Variants in HIGD2A observed in about 807,000 individuals in gnomAD.
HIGD2A encodes the protein HIG1 domain family member 2A, mitochondrial.
Under a neutral mutation model 6.3 loss-of-function variants are expected in HIGD2A, and 4 were observed. The ratio of observed to expected loss-of-function variants is 0.64; its 90% confidence interval spans 0.31 to 1.46. The LOEUF (loss-of-function observed/expected upper bound fraction) is 1.46. HIGD2A is among the 40% of genes most tolerant of loss of function. HIGD2A has a pLI of 0.07. For missense variants in HIGD2A, 143 were observed against 144.8 expected (o/e 0.99, Z 0.06); for synonymous variants, 63 against 59.3 (o/e 1.06, Z -0.29).
chr5:176,389,011 A>T, intron 1 of HIGD2A, 38 bp downstream of exon 1: 1 of 1,610,732 alleles, frequency 6.2e-7, no homozygotes, highest in Non-Finnish European at 8.5e-7. Flanking sequence ...AGGAGAGGAC[A>T]GTGATGTCGG....
Position 176,389,431 on chromosome 5 carries a change from C to A in HIGD2A, c.255C>A (p.Ala85=), listed in dbSNP as rs1756171382. ...SQLMMRTRIA[A]QGFTVAAILL... ...TCATGATGCGCACCCGGATCGCCGC[C>A]CAGGGTTTCACGGTCGCAGCCATCT... Residue 85 remains alanine, a synonymous_variant, in exon 2 of 2, where the codon GCC becomes GCA. Coordinates refer to ENST00000274787, the MANE Select transcript of HIGD2A (RefSeq NM_138820.4). 6.2e-7 allele frequency: 1 copy of A among 1,614,090 alleles called. No homozygotes were observed. The highest frequency in any genetic ancestry group is 1.7e-5 in the Admixed American group (1 of 60,000).
At position 176,388,922 on chromosome 5, in the gene HIGD2A, T is replaced by A; in HGVS notation, c.103T>A (p.Phe35Ile). 1.2e-6 allele frequency: 2 copies of A among 1,613,918 alleles called. No individual in the cohort carries two copies. Among genetic ancestry groups the A allele is most frequent in the Non-Finnish European group, 1.7e-6 (2 of 1,179,992 alleles). Residue 35 changes from phenylalanine (F) to isoleucine (I), a missense_variant, in exon 1 of 2, where the codon TTC becomes ATC. Transcript: ENST00000274787. ...CACTGTTTACAGGAATCCAGAGAGT[T>A]TCAAGGAAAAGTTCGTTCGCAAGAC... ...SPTVYRNPES[F>I]KEKFVRKTRE...
In HIGD2A at chr5:176,389,386, C is replaced by T. The variant is rs562899866; in HGVS notation, c.210C>T (p.Gly70=). The T allele has an allele frequency of 6.2e-7, 1 of 1,614,160 alleles. No individual in the cohort carries two copies. Among genetic ancestry groups the T allele is most frequent in the East Asian group, 2.2e-5 (1 of 44,872 alleles). Residue 70 remains glycine, a synonymous_variant, in exon 2 of 2, where the codon GGC becomes GGT. Coordinates refer to ENST00000274787, the MANE Select transcript of HIGD2A (RefSeq NM_138820.4). Reference sequence around the variant, plus strand: ...ACGGCCTCTACTCCTTCCACCGGGGCAACAGCCAGCGCTCTCAGCTCATGA... The same window carrying T: ...ACGGCCTCTACTCCTTCCACCGGGGTAACAGCCAGCGCTCTCAGCTCATGA... ...LTYGLYSFHR[G]NSQRSQLMMR... is the part of the protein sequence containing the mutation.
chr5:176,388,958 CCGGTGGTACCCATAGGTAAGTGGGT>C lies in HIGD2A; in HGVS notation c.140_154+10del, dbSNP rs1446298837. The stretch of plus-strand genomic sequence containing the variant: ...GTTCGTTCGCAAGACCCGCGAGAAC[CCGGTGGTACCCATAGGTAAGTGGGT>C]GCGGTAGGAACTGCACAAGGAGAGG... On this transcript the variant is annotated splice_donor_variant and splice_donor_5th_base_variant and coding_sequence_variant and intron_variant, in exon 1 of 2. Coordinates refer to ENST00000274787, the MANE Select transcript of HIGD2A (RefSeq NM_138820.4). LOFTEE classifies it high-confidence loss of function. 27 of 1,613,990 alleles carry C rather than the reference CCGGTGGTACCCATAGGTAAGTGGGT, an allele frequency of 1.7e-5. No individual in the cohort carries two copies. Among genetic ancestry groups the C allele is most frequent in the Admixed American group, 5.0e-5 (3 of 60,004 alleles).
intron 1 of HIGD2A, 124 bp downstream of exon 1, chr5:176,389,097 C>T (rs1047041582): frequency 6.2e-6 from 8 of 1,280,852 alleles, no homozygotes; most frequent in South Asian, 1.4e-5. Flanking sequence ...GACGAGGGGG[C>T]GGGGCGGTGA....
At chr5:176,389,310 G>C (rs1756162938) in intron 1 of HIGD2A, 21 bp from the exon 2 acceptor site, 1 of 1,602,578 alleles carries the variant, frequency 6.2e-7, no homozygotes, top group Non-Finnish European at 8.5e-7. Flanking sequence ...CTGTTTCCCA[G>C]TTGCTTTGTC....
In HIGD2A at chr5:176,389,226, C is replaced by T. The variant is rs140409053; in HGVS notation, c.155-105C>T. ...TCGACCTACCCTCGCCGCCCTCCCT[C>T]CGCTGTGATCCAGAGATCTTGGCTT... On this transcript the variant is annotated intron_variant, in intron 1 of 1. Transcript: ENST00000274787. The T allele has an allele frequency of 7.3e-3, 10,112 of 1,377,564 alleles. 60 individuals carry two copies. Among genetic ancestry groups the T allele is most frequent in the Non-Finnish European group, 8.2e-3 (8,225 of 1,002,966 alleles). The allele number at this position is 1,377,564 out of a possible 1,614,324, so 85.3% of individuals were successfully genotyped here. A position where few individuals can be genotyped will look rare whatever the true frequency, so the allele number is the denominator to read the frequency against.
At position 176,389,442 on chromosome 5, in the gene HIGD2A, C is replaced by G; in HGVS notation, c.266C>G (p.Thr89Arg). 1 of 1,614,162 alleles carries G rather than the reference C, an allele frequency of 6.2e-7. No homozygotes were observed. Among genetic ancestry groups the G allele is most frequent in the Non-Finnish European group, 8.5e-7 (1 of 1,180,028 alleles). ...ACCCGGATCGCCGCCCAGGGTTTCA[C>G]GGTCGCAGCCATCTTGCTGGGTCTG... ...MRTRIAAQGFTVAAILLGLAV... is the reference protein window; with the variant it reads ...MRTRIAAQGFRVAAILLGLAV... The change falls in exon 2 of 2, where the codon ACG becomes AGG. Residue 89 changes from threonine (T) to arginine (R), a missense_variant. By Grantham distance (71) the Thr-to-Arg change is moderately conservative. Coordinates refer to ENST00000274787, the MANE Select transcript of HIGD2A (RefSeq NM_138820.4).
In HIGD2A at chr5:176,389,335, C is replaced by T. The variant is rs150137109; in HGVS notation, c.159C>T (p.Cys53=). 38 of 1,612,856 alleles carry T rather than the reference C, an allele frequency of 2.4e-5. No homozygotes were observed. The African/African-American group carries it at 4.4e-4, about 19-fold the overall frequency. The change falls in exon 2 of 2, where the codon TGC becomes TGT. Residue 53 remains cysteine (C), a synonymous_variant. Transcript: ENST00000274787. ...TRENPVVPIG[C]LATAAALTYG... is the part of the protein sequence containing the mutation. ...GTTGCTTTGTCCCCTCCTCAGGTTG[C>T]CTGGCCACGGCGGCCGCCCTCACCT...
At position 176,389,328 on chromosome 5, in the gene HIGD2A, C is replaced by T; in HGVS notation, c.155-3C>T. Reference sequence around the variant, plus strand: ...TTTCCCAGTTGCTTTGTCCCCTCCTCAGGTTGCCTGGCCACGGCGGCCGCC... The same window carrying T: ...TTTCCCAGTTGCTTTGTCCCCTCCTTAGGTTGCCTGGCCACGGCGGCCGCC... On this transcript the variant is annotated splice_polypyrimidine_tract_variant and splice_region_variant and intron_variant, in intron 1 of 1. Transcript: ENST00000274787. 3.1e-6 allele frequency: 5 copies of T among 1,612,562 alleles called. No homozygotes were observed. The highest frequency in any genetic ancestry group is 4.2e-6 in the Non-Finnish European group (5 of 1,179,292).
At chr5:176,389,267 C>A in intron 1 of HIGD2A, 64 bp from the exon 2 acceptor site, 2 of 1,546,622 alleles carry the variant, frequency 1.3e-6, no homozygotes, top group South Asian at 1.2e-5. Flanking sequence ...AAGCGAGACC[C>A]AAAGCGGGGA....
chr5:176,389,645 C>A lies in HIGD2A; in HGVS notation c.*148C>A. 3 of 826,788 alleles carry A rather than the reference C, an allele frequency of 3.6e-6. No individual in the cohort carries two copies. The highest frequency in any genetic ancestry group is 4.4e-5 in the South Asian group (2 of 45,636). 51.2% of individuals were successfully genotyped at this position (826,788 alleles called of 1,614,324 possible). A position where few individuals can be genotyped will look rare whatever the true frequency, so the allele number is the denominator to read the frequency against. On this transcript the variant is annotated 3_prime_UTR_variant, in exon 2 of 2. Coordinates refer to ENST00000274787, the MANE Select transcript of HIGD2A (RefSeq NM_138820.4). ...AAGTGACCCTTTGTGTAACTGTAAC[C>A]GAAAGTTTTTTCAAAAATCCTAGAT...
In HIGD2A at chr5:176,389,214, G is replaced by A. The variant is rs1756157425; in HGVS notation, c.155-117G>A. On this transcript the variant is annotated intron_variant, in intron 1 of 1. Transcript: ENST00000274787. ...GAAGACCTCGACTCGACCTACCCTC[G>A]CCGCCCTCCCTCCGCTGTGATCCAG... The A allele has an allele frequency of 5.4e-6, 7 of 1,301,348 alleles. No homozygotes were observed. In the South Asian group the frequency reaches 6.9e-5, roughly 13 times the overall value. The allele number at this position is 1,301,348 out of a possible 1,614,324, so 80.6% of individuals were successfully genotyped here. A position where few individuals can be genotyped will look rare whatever the true frequency, so the allele number is the denominator to read the frequency against.
In HIGD2A at chr5:176,388,805, T is replaced by A; in HGVS notation, c.-15T>A. The A allele has an allele frequency of 6.2e-7, 1 of 1,609,148 alleles. No individual in the cohort carries two copies. Among genetic ancestry groups the A allele is most frequent in the Non-Finnish European group, 8.5e-7 (1 of 1,178,168 alleles). On this transcript the variant is annotated 5_prime_UTR_variant, in exon 1 of 2. Transcript: ENST00000274787. ...GGTCGGAGTCCCGATTTTCTCCTGC[T>A]GCTGTGGCCCGGACATGGCGACTCC...
Position 176,389,537 on chromosome 5 carries a change from C to G in HIGD2A, c.*40C>G. Reference sequence around the variant, plus strand: ...CTTGAAAGCTCCGCAGAAATGATTCCAAAACCCAGGGAGCAACCACTGGCC... The same window carrying G: ...CTTGAAAGCTCCGCAGAAATGATTCGAAAACCCAGGGAGCAACCACTGGCC... On this transcript the variant is annotated 3_prime_UTR_variant, in exon 2 of 2. Transcript: ENST00000274787. The G allele has an allele frequency of 4.4e-6, 7 of 1,576,278 alleles. No homozygotes were observed. Among genetic ancestry groups the G allele is most frequent in the Non-Finnish European group, 6.0e-6 (7 of 1,158,666 alleles).
At position 176,389,571 on chromosome 5, in the gene HIGD2A, G is replaced by T; in HGVS notation, c.*74G>T. On this transcript the variant is annotated 3_prime_UTR_variant, in exon 2 of 2. Coordinates refer to ENST00000274787, the MANE Select transcript of HIGD2A (RefSeq NM_138820.4). ...GGGAGCAACCACTGGCCCTACCGTG[G>T]GACTTACTCCCTCCTCTCCTTTGAG... 6.8e-7 allele frequency: 1 copy of T among 1,473,904 alleles called. No individual in the cohort carries two copies. Among genetic ancestry groups the T allele is most frequent in the Non-Finnish European group, 9.2e-7 (1 of 1,086,060 alleles). 91.3% of individuals were successfully genotyped at this position (1,473,904 alleles called of 1,614,324 possible). A position where few individuals can be genotyped will look rare whatever the true frequency, so the allele number is the denominator to read the frequency against.
intron 1 of HIGD2A, 120 bp from the exon 2 acceptor site, chr5:176,389,211 C>G: frequency 7.8e-7 from 1 of 1,282,664 alleles, no homozygotes; most frequent in Non-Finnish European, 1.1e-6. Context: ...TCGACCTACC[C>G]TCGCCGCCCT....
In HIGD2A at chr5:176,389,259, G is replaced by A. The variant is rs979069126; in HGVS notation, c.155-72G>A. On this transcript the variant is annotated intron_variant, in intron 1 of 1. Transcript: ENST00000274787. ...ATCCAGAGATCTTGGCTTTGGGGAAGCGAGACCCAAAGCGGGGAATGACCT... is the reference window on the plus strand; with the variant it reads ...ATCCAGAGATCTTGGCTTTGGGGAAACGAGACCCAAAGCGGGGAATGACCT... 5.9e-6 allele frequency: 9 copies of A among 1,518,090 alleles called. No homozygotes were observed. The East Asian group carries it at 1.8e-4, about 31-fold the overall frequency. 94.0% of individuals were successfully genotyped at this position (1,518,090 alleles called of 1,614,324 possible).
In HIGD2A at chr5:176,389,672, CTGT is replaced by C. The variant is rs1172512128; in HGVS notation, c.*180_*182del. 1 of 596,946 alleles carries C rather than the reference CTGT, an allele frequency of 1.7e-6. No individual in the cohort carries two copies. The highest frequency in any genetic ancestry group is 2.8e-6 in the Non-Finnish European group (1 of 351,638). The allele number at this position is 596,946 out of a possible 1,614,324, so 37.0% of individuals were successfully genotyped here. On this transcript the variant is annotated 3_prime_UTR_variant, in exon 2 of 2. Coordinates refer to ENST00000274787, the MANE Select transcript of HIGD2A (RefSeq NM_138820.4). ...AAAGTTTTTTCAAAAATCCTAGATG[CTGT>C]TGTTTGAATGTTACATACTTCTATT...
Sources: gnomAD v4.1 joint callset for allele counts on GRCh38, gnomAD v4.1.1 for gene constraint, MANE v1.5 for transcripts, NCBI Gene and HGNC (gene_info 2026-07-23, HGNC 2026-07-21) for gene names.